Variants in PLA2G3 observed in about 807,000 individuals in gnomAD.
PLA2G3 encodes the protein phospholipase A2 group III, also known as group 3 secretory phospholipase A2.
In PLA2G3, 39 loss-of-function variants were observed where a neutral mutation model predicts 51.3. The observed-to-expected ratio is 0.76, with a 90% CI of 0.59 to 0.99. PLA2G3 has a LOEUF of 0.99. PLA2G3 is among the 50% of genes least tolerant of loss of function. The probability of loss-of-function intolerance (pLI) is 0.00; values close to 1 mark genes in which losing one functional copy is unlikely to be tolerated. For synonymous variants in PLA2G3, 293 were observed against 263.1 expected, an observed-to-expected ratio of 1.11 and a Z score of -1.10; for missense variants, 677 against 662.1, an observed-to-expected ratio of 1.02 and a Z score of -0.25.
At position 31,137,869 on chromosome 22, in the gene PLA2G3, G is replaced by C. The variant is rs151265075; in HGVS notation, c.907C>G (p.Arg303Gly). The change falls in exon 4 of 7, where the codon CGA becomes GGA. Residue 303 changes from arginine (R) to glycine (G), a missense_variant. Arg to Gly is a moderately radical substitution (Grantham distance 125, BLOSUM62 -2). Coordinates refer to ENST00000215885, the MANE Select transcript of PLA2G3 (RefSeq NM_015715.5). ...SSRSPAPPKP[R>G]QKQHLRKGPP... ...CCCTTCCGAAGGTGCTGCTTCTGTCGAGGCTTGGGAGGGGCTGGGCTCCGG... is the reference window on the plus strand; with the variant it reads ...CCCTTCCGAAGGTGCTGCTTCTGTCCAGGCTTGGGAGGGGCTGGGCTCCGG... 1.1e-5 allele frequency: 17 copies of C among 1,613,928 alleles called. No homozygotes were observed. The highest frequency in any genetic ancestry group is 1.3e-5 in the African/African-American group (1 of 74,916).
intron 4 of PLA2G3, 36 bp from the exon 5 acceptor site, chr22:31,137,076 C>T (rs371066687): frequency 1.4e-5 from 20 of 1,480,488 alleles, no homozygotes; most frequent in Non-Finnish European, 1.7e-5. Context: ...GGAGCCCAAT[C>T]CACCAGGGAG....
rs776905378 is a variant in PLA2G3, at chr22:31,140,183, T to C, written c.172A>G (p.Ile58Val). 16 of 1,612,546 alleles carry C rather than the reference T, an allele frequency of 9.9e-6. No homozygotes were observed. Among genetic ancestry groups the C allele is most frequent in the Non-Finnish European group, 1.2e-5 (14 of 1,179,972 alleles). ...CTATGCGCATCCCAGCGGGCATGGA[T>C]CAGGGCCAGTCCCTGAGCATCCTTG... is the stretch of plus-strand genomic sequence containing the variant. Reference protein sequence around the residue: ...LAKDAQGLALIHARWDAHRRL... With the variant: ...LAKDAQGLALVHARWDAHRRL... Residue 58 changes from isoleucine (I) to valine (V), a missense_variant, in exon 1 of 7, where the codon ATC becomes GTC. Transcript: ENST00000215885.
rs148594526 is a variant in PLA2G3 at position 31,135,110 on chromosome 22, G to T, written c.*613C>A. On this transcript the variant is annotated 3_prime_UTR_variant, in exon 7 of 7. Transcript: ENST00000215885. ...AGAGTGCAAGAGGGAGGTCCTTTGC[G>T]CAAAGGCATGGAGGAGATTTGAATT... 2.0e-5 allele frequency: 3 copies of T among 152,896 alleles called. No individual in the cohort carries two copies. Among genetic ancestry groups the T allele is most frequent in the African/African-American group, 7.2e-5 (3 of 41,398 alleles). The allele number at this position is 152,896 out of a possible 1,614,324, so 9.5% of individuals were successfully genotyped here.
At chr22:31,139,142 A>G (rs1336326637) in intron 1 of PLA2G3, among the ~76,000 whole-genome samples, 1 of 152,198 alleles carries the variant, frequency 6.6e-6, no homozygotes, top group Non-Finnish European at 1.5e-5. Flanking sequence ...GAATGTGTGT[A>G]TGATGGAATG....
intron 2 of PLA2G3, 47 bp downstream of exon 2, chr22:31,138,620 A>T: frequency 6.2e-7 from 1 of 1,609,014 alleles, no homozygotes; most frequent in East Asian, 2.2e-5. Context: ...GAACTGGGTA[A>T]CTCTGCCCTG....
intron 4 of PLA2G3, 141 bp from the exon 5 acceptor site, chr22:31,137,181 G>C: frequency 4.3e-6 from 4 of 924,658 alleles, no homozygotes; most frequent in Non-Finnish European, 6.3e-6. Context: ...CTGAGTCTTT[G>C]TGCCCTCAGT....
At chr22:31,135,987 C>G in intron 6 of PLA2G3, 51 bp from the exon 7 acceptor site, 1 of 1,473,676 alleles carries the variant, frequency 6.8e-7, no homozygotes, top group Non-Finnish European at 9.4e-7. Flanking sequence ...AAGGATCCCA[C>G]CTTACTCTGC....
chr22:31,135,721 G>A lies in PLA2G3; in HGVS notation c.*2C>T. ...TGGTGCCCAGGAAAGCTGAAACTGA[G>A]GTCACTGGCTCCAGGACTTCTGCTG... On this transcript the variant is annotated 3_prime_UTR_variant, in exon 7 of 7. Transcript: ENST00000215885. 1 of 1,611,380 alleles carries A rather than the reference G, an allele frequency of 6.2e-7. No individual in the cohort carries two copies.
In PLA2G3 at chr22:31,140,471, G is replaced by A. The variant is rs571646580; in HGVS notation, c.-117C>T. 1.7e-6 allele frequency: 2 copies of A among 1,193,524 alleles called. No individual in the cohort carries two copies. Among genetic ancestry groups the A allele is most frequent in the East Asian group, 2.4e-5 (1 of 41,076 alleles). The allele number at this position is 1,193,524 out of a possible 1,614,324, so 73.9% of individuals were successfully genotyped here. On this transcript the variant is annotated 5_prime_UTR_variant, in exon 1 of 7. Transcript: ENST00000215885. ...GGAGCCCAGCAGGCCCGGTGCGGCG[G>A]GACCAATGAATGGAGCTGCGGGAGG...
rs2074735 is a variant in PLA2G3, at chr22:31,139,886, G to C, written c.469C>G (p.Leu157Val). The C allele has an allele frequency of 0.091, 147,506 of 1,613,366 alleles. 10,867 individuals carry two copies. The highest frequency in any genetic ancestry group is 0.34 in the East Asian group (15,369 of 44,762). ...EKRGWTMPGT[L>V]WCGVGDSAGN... ...GCAGAATCTCCAACTCCACACCACA[G>C]TGTGCCAGGCATGGTCCATCCTCTC... is the stretch of plus-strand genomic sequence containing the variant. Residue 157 changes from leucine to valine, a missense_variant, in exon 1 of 7, where the codon CTG becomes GTG. Coordinates refer to ENST00000215885, the MANE Select transcript of PLA2G3 (RefSeq NM_015715.5).
At chr22:31,138,187 G>A in intron 3 of PLA2G3, 89 bp downstream of exon 3, 3 of 1,486,576 alleles carry the variant, frequency 2.0e-6, no homozygotes, top group Non-Finnish European at 2.8e-6. Flanking sequence ...TTCCCTGGAA[G>A]ACAGACAGAC....
At position 31,138,335 on chromosome 22, in the gene PLA2G3, C is replaced by A; in HGVS notation, c.723G>T (p.Glu241Asp). 6.2e-7 allele frequency: 1 copy of A among 1,613,988 alleles called. No homozygotes were observed. The highest frequency in any genetic ancestry group is 1.3e-5 in the African/African-American group (1 of 75,050). ...IVGVAFFNVL[E>D]IPCFVLEEQE... ...GCTCCTCCAGCACAAAGCAGGGGAT[C>A]TCCAGCACGTTGAAGAAGGCCACGC... The change falls in exon 3 of 7, where the codon GAG becomes GAT. Residue 241 changes from glutamate to aspartate, a missense_variant. Transcript: ENST00000215885.
At position 31,140,247 on chromosome 22, in the gene PLA2G3, G is replaced by A. The variant is rs2232175; in HGVS notation, c.108C>T (p.Ala36=). ...GGTACCCCAGTGGGTTGCCAGGGAC[G>A]GCCTTGGTCAAGTGGCAGGAGGTCC... ...WYRTSCHLTK[A]VPGNPLGYLS... is the part of the protein sequence containing the mutation. The change falls in exon 1 of 7, where the codon GCC becomes GCT. Residue 36 remains alanine, a synonymous_variant. Coordinates refer to ENST00000215885, the MANE Select transcript of PLA2G3 (RefSeq NM_015715.5). 82 of 1,612,466 alleles carry A rather than the reference G, an allele frequency of 5.1e-5. No individual in the cohort carries two copies. The South Asian group carries it at 5.2e-4, about 10-fold the overall frequency.
In PLA2G3 at chr22:31,136,746, C is replaced by G. The variant is rs867481702; in HGVS notation, c.1253G>C (p.Trp418Ser). The change falls in exon 6 of 7, where the codon TGG becomes TCG. Residue 418 changes from tryptophan (W) to serine (S), a missense_variant. Transcript: ENST00000215885. ...HSPPEVTNML[W>S]ELLGTTCFKL... is the part of the protein sequence containing the mutation. ...GAAGCAGGTTGTGCCCAGCAGCTCCCAAAGCATGTTGGTAACCTCGGGTGG... is the reference window on the plus strand; with the variant it reads ...GAAGCAGGTTGTGCCCAGCAGCTCCGAAAGCATGTTGGTAACCTCGGGTGG... 6.2e-7 allele frequency: 1 copy of G among 1,613,394 alleles called. No homozygotes were observed. The highest frequency in any genetic ancestry group is 2.2e-5 in the East Asian group (1 of 44,880).
chr22:31,137,570 G>T (rs1922648383), intron 4 of PLA2G3, 140 bp downstream of exon 4: 2 of 770,918 alleles, frequency 2.6e-6, no homozygotes, highest in Admixed American at 2.3e-5. Context: ...ATCCTGTGCT[G>T]CAGTGTGATT....
intron 6 of PLA2G3, 23 bp from the exon 7 acceptor site, chr22:31,135,959 C>T (rs1298824885): frequency 6.3e-7 from 1 of 1,585,322 alleles, no homozygotes; most frequent in South Asian, 1.1e-5. Context: ...AAGAGTGGGG[C>T]AGATGATCAG....
Position 31,140,229 on chromosome 22 carries a change from C to A in PLA2G3, c.126G>T (p.Leu42=). Residue 42 remains leucine, a synonymous_variant, in exon 1 of 7, where the codon CTG becomes CTT. Coordinates refer to ENST00000215885, the MANE Select transcript of PLA2G3 (RefSeq NM_015715.5). The part of the protein sequence containing the change: ...HLTKAVPGNP[L]GYLSFLAKDA... ...CCTTGGCCAGGAAGCTCAGGTACCC[C>A]AGTGGGTTGCCAGGGACGGCCTTGG... 1 of 1,612,678 alleles carries A rather than the reference C, an allele frequency of 6.2e-7. No homozygotes were observed. The highest frequency in any genetic ancestry group is 8.5e-7 in the Non-Finnish European group (1 of 1,180,010).
chr22:31,138,904 C>T (rs1922747175), intron 1 of PLA2G3, 105 bp from the exon 2 acceptor site: 1 of 1,096,810 alleles, frequency 9.1e-7, no homozygotes, highest in Admixed American at 2.1e-5. Flanking sequence ...GGTTCTCACC[C>T]CAGCCCTGAC....
rs1602756007 is a variant in PLA2G3 at position 31,138,758 on chromosome 22, G to A, written c.556C>T (p.Arg186Cys). 5 of 1,613,974 alleles carry A rather than the reference G, an allele frequency of 3.1e-6. No individual in the cohort carries two copies. The highest frequency in any genetic ancestry group is 1.3e-5 in the African/African-American group (1 of 74,896). Reference protein sequence around the residue: ...GPDLCCREHDRCPQNISPLQY... With the variant: ...GPDLCCREHDCCPQNISPLQY... ...AAGGGTGAGATGTTCTGTGGGCAGC[G>A]GTCATGTTCCCGGCAACAGAGATCA... The change falls in exon 2 of 7, where the codon CGC becomes TGC. Residue 186 changes from arginine (R) to cysteine (C), a missense_variant. Physicochemically the swap from Arg to Cys is radical, Grantham distance 180 (BLOSUM62 -3). Coordinates refer to ENST00000215885, the MANE Select transcript of PLA2G3 (RefSeq NM_015715.5).
Sources: gnomAD v4.1 joint callset for allele counts (sites outside exome capture counted in the v4.1 genomes callset) on GRCh38, gnomAD v4.1.1 for gene constraint, MANE v1.5 for transcripts, NCBI Gene and HGNC (gene_info 2026-07-23, HGNC 2026-07-21) for gene names.